CD79B: variants seen among roughly 807,000 people sequenced by gnomAD.
CD79B encodes the protein CD79b molecule.
In CD79B, 7 loss-of-function variants were observed where a neutral mutation model predicts 30.0. That is an observed-to-expected ratio of 0.23 (90% CI 0.13 to 0.44). The LOEUF is 0.44. Among genes scored for constraint, CD79B ranks in the 20% least tolerant of loss-of-function variants. The probability of loss-of-function intolerance (pLI) is 1.00; values close to 1 mark genes in which losing one functional copy is unlikely to be tolerated. For synonymous variants in CD79B, 118 were observed against 119.2 expected, an observed-to-expected ratio of 0.99 and a Z score of 0.07; for missense variants, 218 against 299.1, an observed-to-expected ratio of 0.73 and a Z score of 2.00.
chr17:63,929,395 C>G (rs758058675), intron 5 of CD79B, 39 bp downstream of exon 5: 3 of 1,613,006 alleles, frequency 1.9e-6, no homozygotes, highest in Non-Finnish European at 2.5e-6. Flanking sequence ...GCCACTGACC[C>G]CGAGGACTCA....
chr17:63,929,741 C>T (rs1907997962), intron 4 of CD79B, 29 bp downstream of exon 4: 3 of 1,523,262 alleles, frequency 2.0e-6, no homozygotes, highest in South Asian at 1.1e-5. Context: ...CTCTGCGGTC[C>T]CCCAAGGCTT....
In CD79B at chr17:63,930,183, G is replaced by A. The variant is rs1908035047; in HGVS notation, c.321C>T (p.Leu107=). ...EESQNESLAT[L]TIQGIRFEDN... The stretch of plus-strand genomic sequence containing the variant: ...CCTCAAACCGGATGCCTTGGATGGT[G>A]AGGGTGGCGAGAGATTCGTTCTGGG... Residue 107 remains leucine (L), a synonymous_variant, in exon 3 of 6, where the codon CTC becomes CTT. Transcript: ENST00000006750. 3 of 1,614,224 alleles carry A rather than the reference G, an allele frequency of 1.9e-6. No homozygotes were observed. The highest frequency in any genetic ancestry group is 2.5e-6 in the Non-Finnish European group (3 of 1,180,018).
intron 1 of CD79B, among the ~76,000 whole-genome samples, chr17:63,931,641 G>A (rs1368172031): frequency 6.6e-6 from 1 of 152,228 alleles, no homozygotes; most frequent in Non-Finnish European, 1.5e-5. Context: ...GAGACAGGAG[G>A]GACAGGGAAA....
At chr17:63,929,925 C>T in intron 3 of CD79B, 37 bp from the exon 4 acceptor site, 2 of 1,568,452 alleles carry the variant, frequency 1.3e-6, no homozygotes, top group Non-Finnish European at 8.8e-7. Flanking sequence ...GCCTGGGCCA[C>T]AGTCCACCTT....
At chr17:63,930,788 C>A (rs772786439) in intron 2 of CD79B, among the ~76,000 whole-genome samples, 2 of 151,886 alleles carry the variant, frequency 1.3e-5, no homozygotes, top group Admixed American at 1.3e-4. Flanking sequence ...CAGTCTCCCC[C>A]GTTCCTCCAG....
At chr17:63,931,746 T>C (rs879736203) in intron 1 of CD79B, 5,259 of 313,644 alleles carry the variant, frequency 0.017, 2 homozygotes, top group Non-Finnish European at 0.023. Flanking sequence ...TCTCTCTTTT[T>C]TTTTTTTTTT....
intron 4 of CD79B, 118 bp from the exon 5 acceptor site, chr17:63,929,593 G>T (rs1353243539): frequency 2.7e-6 from 3 of 1,114,212 alleles, no homozygotes; most frequent in Non-Finnish European, 4.1e-6. Flanking sequence ...GGTGCATTCT[G>T]CAAGAACAGC....
At chr17:63,930,448 AG>A in intron 2 of CD79B, 63 bp from the exon 3 acceptor site, 1 of 1,462,374 alleles carries the variant, frequency 6.8e-7, no homozygotes, top group Non-Finnish European at 9.5e-7. Flanking sequence ...CAGCCCCAGC[AG>A]CAGGCCCCTG....
In CD79B at chr17:63,929,181, C is replaced by T. The variant is rs375575208; in HGVS notation, c.*45G>A. On this transcript the variant is annotated 3_prime_UTR_variant, in exon 6 of 6. Transcript: ENST00000006750. The stretch of plus-strand genomic sequence containing the variant: ...GAGCCAGGCAGCTCCGAAGCAGTCA[C>T]TGAGGCCAGGGAGCCTGCACCCAGG... 1.1e-5 allele frequency: 14 copies of T among 1,317,986 alleles called. No homozygotes were observed. The African/African-American group carries it at 2.0e-4, about 19-fold the overall frequency. 81.6% of individuals were successfully genotyped at this position (1,317,986 alleles called of 1,614,324 possible).
At position 63,930,066 on chromosome 17, in the gene CD79B, G is replaced by T. The variant is rs780195935; in HGVS notation, c.430+8C>A. On this transcript the variant is annotated splice_region_variant and intron_variant, in intron 3 of 5. Transcript: ENST00000006750. ...GCTACAGGAGCGTCCCAGCCACCTG[G>T]CACACACCCATGACTCGCAGCTCTG... 2.5e-6 allele frequency: 4 copies of T among 1,613,400 alleles called. No homozygotes were observed. Among genetic ancestry groups the T allele is most frequent in the Non-Finnish European group, 2.5e-6 (3 of 1,179,718 alleles).
intron 2 of CD79B, 157 bp from the exon 3 acceptor site, chr17:63,930,542 AG>A: frequency 1.4e-6 from 1 of 704,032 alleles, no homozygotes; most frequent in Non-Finnish European, 2.5e-6. Context: ...GGAGTTGGGA[AG>A]CAGAGCCACG....
chr17:63,929,697 G>A (rs1417081680), intron 4 of CD79B, 73 bp downstream of exon 4: 1 of 1,133,268 alleles, frequency 8.8e-7, no homozygotes, highest in Admixed American at 1.7e-5. Flanking sequence ...GGGAGATGGA[G>A]ACCCTGCATA....
chr17:63,931,523 T>G (rs1908126702), intron 1 of CD79B, 138 bp from the exon 2 acceptor site: 2 of 765,758 alleles, frequency 2.6e-6, no homozygotes, highest in South Asian at 1.6e-5. Context: ...CGGTCCTCCC[T>G]GCCCCCAGTA....
Position 63,930,304 on chromosome 17 carries a change from A to C in CD79B, c.200T>G (p.Met67Arg). The change falls in exon 3 of 6, where the codon ATG becomes AGG. Residue 67 changes from methionine (M) to arginine (R), a missense_variant. By Grantham distance (91) the Met-to-Arg change is moderately conservative. Transcript: ENST00000006750. ...GCTCACATTGCCGGAGGCGCTGTTC[A>C]TGTAGCAGTGCATTTTCACCGTGAA... is the stretch of plus-strand genomic sequence containing the variant. ...RGFTVKMHCY[M>R]NSASGNVSWL... 6.2e-7 allele frequency: 1 copy of C among 1,614,100 alleles called. No individual in the cohort carries two copies. Among genetic ancestry groups the C allele is most frequent in the Non-Finnish European group, 8.5e-7 (1 of 1,179,964 alleles).
Position 63,928,794 on chromosome 17 carries a change from C to A in CD79B, c.*432G>T. On this transcript the variant is annotated 3_prime_UTR_variant, in exon 6 of 6. Coordinates refer to ENST00000006750, the MANE Select transcript of CD79B (RefSeq NM_000626.4). ...CGGGGGAAGGCACTGGAGGCCAGGG[C>A]CTCCCTGGGGTGGGAGTGGTTGCGG... 1 of 349,536 alleles carries A rather than the reference C, an allele frequency of 2.9e-6. No individual in the cohort carries two copies. The highest frequency in any genetic ancestry group is 5.4e-6 in the Non-Finnish European group (1 of 186,244). 21.7% of individuals were successfully genotyped at this position (349,536 alleles called of 1,614,324 possible). A position where few individuals can be genotyped will look rare whatever the true frequency, so the allele number is the denominator to read the frequency against.
At chr17:63,929,727 C>T in intron 4 of CD79B, 43 bp downstream of exon 4, 1 of 1,411,728 alleles carries the variant, frequency 7.1e-7, no homozygotes, top group Non-Finnish European at 1.0e-6. Flanking sequence ...TATGCGGTGG[C>T]CTCCTCTGCG....
chr17:63,931,251 C>T (rs571133640), intron 2 of CD79B, 84 bp downstream of exon 2: 239 of 1,417,536 alleles, frequency 1.7e-4, no homozygotes, highest in Admixed American at 3.2e-4. Flanking sequence ...GAAGGCGGAC[C>T]GCCCCCAGGA....
rs766399977 is a variant in CD79B at position 63,930,429 on chromosome 17, C to T, written c.119-44G>A. ...GGCTCAGCATTCCGCTTGGCATCTT[C>T]CTGAGTGCCAGCCCCAGCAGCAGGC... is the stretch of plus-strand genomic sequence containing the variant. On this transcript the variant is annotated intron_variant, in intron 2 of 5. Coordinates refer to ENST00000006750, the MANE Select transcript of CD79B (RefSeq NM_000626.4). The T allele has an allele frequency of 2.6e-6, 4 of 1,564,522 alleles. No individual in the cohort carries two copies. The South Asian group carries it at 3.4e-5, about 13-fold the overall frequency.
chr17:63,931,415 A>C, intron 1 of CD79B, 30 bp from the exon 2 acceptor site: 1 of 1,612,366 alleles, frequency 6.2e-7, no homozygotes, highest in Non-Finnish European at 8.5e-7. Context: ...GGGCGGGGCC[A>C]GTCAGGGCCT....
Sources: gnomAD v4.1 joint callset for allele counts (sites outside exome capture counted in the v4.1 genomes callset) on GRCh38, gnomAD v4.1.1 for gene constraint, MANE v1.5 for transcripts, NCBI Gene and HGNC (gene_info 2026-07-23, HGNC 2026-07-21) for gene names.